IL27: variants seen among roughly 807,000 people sequenced by gnomAD.
The protein encoded by IL27 is interleukin-27 subunit alpha.
Under a neutral mutation model 27.0 loss-of-function variants are expected in IL27, and 11 were observed. The observed-to-expected ratio is 0.41, with a 90% CI of 0.26 to 0.67. The LOEUF (loss-of-function observed/expected upper bound fraction) is 0.67, where lower values mean the gene tolerates loss of function less well. IL27 is among the 30% of genes least tolerant of loss of function. The probability of loss-of-function intolerance (pLI) is 0.34; values close to 1 mark genes in which losing one functional copy is unlikely to be tolerated. For synonymous variants in IL27, 134 were observed against 140.6 expected, an observed-to-expected ratio of 0.95 and a Z score of 0.33; for missense variants, 299 against 310.4, an observed-to-expected ratio of 0.96 and a Z score of 0.28.
In IL27 at chr16:28,505,408, C is replaced by T. The variant is rs187706392; in HGVS notation, c.32-1358G>A. On this transcript the variant is annotated intron_variant, in intron 1 of 4. Coordinates refer to ENST00000356897, the MANE Select transcript of IL27 (RefSeq NM_145659.3). ...CTGCAGTGCAGTGGCGCGATCTCGA[C>T]TCACTGCAACCTTCACCTCCCAGGT... Among the ~76,000 whole-genome samples, 3 of 152,210 alleles carry T rather than the reference C, an allele frequency of 2.0e-5. No homozygotes were observed. The East Asian group carries it at 5.8e-4, about 29-fold the overall frequency.
intron 4 of IL27, among the ~76,000 whole-genome samples, chr16:28,501,654 C>T (rs902025702): frequency 4.6e-5 from 7 of 150,714 alleles, no homozygotes; most frequent in African/African-American, 1.7e-4. Context: ...CGGACCCACA[C>T]CCTCACACAC....
intron 4 of IL27, among the ~76,000 whole-genome samples, chr16:28,501,387 C>T (rs2046427948): frequency 6.6e-6 from 1 of 151,480 alleles, no homozygotes; most frequent in Admixed American, 6.6e-5. Context: ...CACTCATGGA[C>T]CTACACACAC....
At position 28,499,601 on chromosome 16, in the gene IL27, C is replaced by T. The variant is rs774798418; in HGVS notation, c.*50G>A. On this transcript the variant is annotated 3_prime_UTR_variant, in exon 5 of 5. Coordinates refer to ENST00000356897, the MANE Select transcript of IL27 (RefSeq NM_145659.3). Reference sequence around the variant, plus strand: ...GAAGGCTGCCCTGATGCCAAGACTCCAGTCCTAAAGTTCTAAAGGGTGGGG... The same window carrying T: ...GAAGGCTGCCCTGATGCCAAGACTCTAGTCCTAAAGTTCTAAAGGGTGGGG... 6.8e-7 allele frequency: 1 copy of T among 1,473,548 alleles called. No individual in the cohort carries two copies. The highest frequency in any genetic ancestry group is 1.2e-5 in the South Asian group (1 of 82,424). The allele number at this position is 1,473,548 out of a possible 1,614,324, so 91.3% of individuals were successfully genotyped here.
chr16:28,502,861 T>C (rs1485810854), intron 3 of IL27, among the ~76,000 whole-genome samples: 1 of 152,278 alleles, frequency 6.6e-6, no homozygotes, highest in South Asian at 2.1e-4. Context: ...CTCGCTCTGT[T>C]GCCCAGGCTG....
chr16:28,499,507 T>A lies in IL27; in HGVS notation c.*144A>T, dbSNP rs555225534. The A allele has an allele frequency of 4.1e-4, 251 of 608,624 alleles. No individual in the cohort carries two copies. The highest frequency in any genetic ancestry group is 2.2e-3 in the Middle Eastern group (5 of 2,270). The allele number at this position is 608,624 out of a possible 1,614,324, so 37.7% of individuals were successfully genotyped here. A position where few individuals can be genotyped will look rare whatever the true frequency, so the allele number is the denominator to read the frequency against. On this transcript the variant is annotated 3_prime_UTR_variant, in exon 5 of 5. Transcript: ENST00000356897. ...AATAGCTGGCGAGGACCAGAGGGGC[T>A]TTCAGTTACTGGGTAGAGCCTGGGG... is the stretch of plus-strand genomic sequence containing the variant.
intron 1 of IL27, 51 bp downstream of exon 1, chr16:28,506,730 C>T: frequency 6.3e-7 from 1 of 1,593,356 alleles, no homozygotes; most frequent in Non-Finnish European, 8.6e-7. Context: ...CAAGCTCGTC[C>T]ATTCTCTGCC....
At chr16:28,501,748 CTCTCACAG>C (rs1036154872) in intron 4 of IL27, among the ~76,000 whole-genome samples, 1 of 77,394 alleles carries the variant, frequency 1.3e-5, no homozygotes, top group Non-Finnish European at 3.3e-5. Flanking sequence ...CACTCACACA[CTCTCACAG>C]TCACACTGTC....
chr16:28,501,190 G>GAA (rs111502585), intron 4 of IL27, among the ~76,000 whole-genome samples: 1 of 142,784 alleles, frequency 7.0e-6, no homozygotes. Flanking sequence ...CTTAGTCTCA[G>GAA]AAAAAAAAAA....
chr16:28,499,708 G>A lies in IL27; in HGVS notation c.675C>T (p.Ser225=). The change falls in exon 5 of 5, where the codon TCC becomes TCT. Residue 225 remains serine, a synonymous_variant. Transcript: ENST00000356897. ...SRAVRELLLL[S]KAGHSVWPLG... ...AGGGCCAGACTGAGTGCCCAGCCTT[G>A]GACAGCAGCAGCAACTCCCGCACGG... 6.2e-7 allele frequency: 1 copy of A among 1,613,594 alleles called. No individual in the cohort carries two copies. Among genetic ancestry groups the A allele is most frequent in the Non-Finnish European group, 8.5e-7 (1 of 1,179,842 alleles).
chr16:28,503,967 T>G lies in IL27; in HGVS notation c.115A>C (p.Ser39Arg). The change falls in exon 2 of 5, where the codon AGC (serine) becomes CGC (arginine). Residue 39 changes from serine (S) to arginine (R), a missense_variant. Physicochemically the swap from Ser to Arg is moderately radical, Grantham distance 110 (BLOSUM62 -1). Transcript: ENST00000356897. ...AACTCCCTCCGCAGCTCCTGCAGGC[T>G]CAGCTGGGGCCTCCCTGGGGGCCTT... ...FPRPPGRPQL[S>R]LQELRREFTV... 6.2e-7 allele frequency: 1 copy of G among 1,614,088 alleles called. No individual in the cohort carries two copies. Among genetic ancestry groups the G allele is most frequent in the Non-Finnish European group, 8.5e-7 (1 of 1,179,984 alleles).
At chr16:28,500,619 C>T (rs1442946921) in intron 4 of IL27, among the ~76,000 whole-genome samples, 1 of 152,062 alleles carries the variant, frequency 6.6e-6, no homozygotes, top group Non-Finnish European at 1.5e-5. Flanking sequence ...GTGTAAAATT[C>T]TGATTTCCCT....
rs370464253 is a variant in IL27 at position 28,501,657 on chromosome 16, TCACA to T, written c.462+315_462+318del. Among the ~76,000 whole-genome samples the T allele has an allele frequency of 1.8e-3, 226 of 125,372 alleles. 2 individuals are homozygous for T. Among genetic ancestry groups the T allele is most frequent in the African/African-American group, 6.4e-3 (213 of 33,184 alleles). The allele number at this position is 125,372 out of a possible 152,430, so 82.2% of individuals were successfully genotyped here. A position where few individuals can be genotyped will look rare whatever the true frequency, so the allele number is the denominator to read the frequency against. ...CTCTCACACTCACGGACCCACACCC[TCACA>T]CACAGTCATGCTCACACTCATACAG... On this transcript the variant is annotated intron_variant, in intron 4 of 4. Transcript: ENST00000356897.
At chr16:28,500,645 G>C (rs557492133) in intron 4 of IL27, among the ~76,000 whole-genome samples, 1 of 152,292 alleles carries the variant, frequency 6.6e-6, no homozygotes, top group African/African-American at 2.4e-5. Flanking sequence ...AGGTTCTGGA[G>C]GATCTGGGTG....
rs2046419081 is a variant in IL27, at chr16:28,499,667, A to C, written c.716T>G (p.Leu239Trp). Residue 239 changes from leucine to tryptophan, a missense_variant, in exon 5 of 5, where the codon TTG (leucine) becomes TGG (tryptophan). Transcript: ENST00000356897. The stretch of plus-strand genomic sequence containing the variant: ...AGCCACCGATCAGGGCTGGGGGCTC[A>C]ATGTTGGGAACCCCAAGGGCCAGAC... ...HSVWPLGFPT[L>W]SPQP The C allele has an allele frequency of 1.2e-6, 2 of 1,612,162 alleles. No individual in the cohort carries two copies. Among genetic ancestry groups the C allele is most frequent in the Admixed American group, 3.3e-5 (2 of 59,786 alleles).
In IL27 at chr16:28,501,984, G is replaced by A. The variant is rs939263844; in HGVS notation, c.454C>T (p.Arg152Cys). The A allele has an allele frequency of 1.2e-6, 2 of 1,605,068 alleles. No individual in the cohort carries two copies. Among genetic ancestry groups the A allele is most frequent in the Non-Finnish European group, 8.5e-7 (1 of 1,177,470 alleles). Residue 152 changes from arginine (R) to cysteine (C), a missense_variant, in exon 4 of 5, where the codon CGC becomes TGC. By Grantham distance (180) the Arg-to-Cys change is radical. Coordinates refer to ENST00000356897, the MANE Select transcript of IL27 (RefSeq NM_145659.3). Reference protein sequence around the residue: ...LDLRDLQRHLRFQVLAAGFNL... With the variant: ...LDLRDLQRHLCFQVLAAGFNL... The stretch of plus-strand genomic sequence containing the variant: ...GGGTGGCCGGGCTCTACCTGGAAGC[G>A]GAGGTGCCGCTGCAGATCGCGGAGG...
chr16:28,503,833 G>A, intron 2 of IL27, 40 bp from the exon 3 acceptor site: 2 of 1,611,920 alleles, frequency 1.2e-6, no homozygotes, highest in Non-Finnish European at 1.7e-6. Flanking sequence ...AGAAGGGATT[G>A]GGGGTCTGCC....
At chr16:28,499,993 G>T in intron 4 of IL27, 73 bp from the exon 5 acceptor site, 4 of 1,459,370 alleles carry the variant, frequency 2.7e-6, no homozygotes, top group Non-Finnish European at 2.7e-6. Flanking sequence ...CCCTATTCAT[G>T]CCCAGCGGTT....
Position 28,504,017 on chromosome 16 carries a change from A to C in IL27, c.65T>G (p.Val22Gly). Reference protein sequence around the residue: ...LSLLLLPLLLVQAGVWGFPRP... With the variant: ...LSLLLLPLLLGQAGVWGFPRP... ...TGGGAATCCCCAGACACCAGCTTGA[A>C]CCAGGAGCAAGGGAAGCAGCAACAG... Residue 22 changes from valine to glycine, a missense_variant, in exon 2 of 5, where the codon GTT (valine) becomes GGT (glycine). Physicochemically the swap from Val to Gly is moderately radical, Grantham distance 109. Coordinates refer to ENST00000356897, the MANE Select transcript of IL27 (RefSeq NM_145659.3). 6.2e-7 allele frequency: 1 copy of C among 1,611,558 alleles called. No homozygotes were observed. The highest frequency in any genetic ancestry group is 8.5e-7 in the Non-Finnish European group (1 of 1,178,538).
In IL27 at chr16:28,499,521, T is replaced by G; in HGVS notation, c.*130A>C. 6.2e-6 allele frequency: 4 copies of G among 648,246 alleles called. No homozygotes were observed. Among genetic ancestry groups the G allele is most frequent in the Non-Finnish European group, 1.1e-5 (4 of 370,512 alleles). The allele number at this position is 648,246 out of a possible 1,614,324, so 40.2% of individuals were successfully genotyped here. A position where few individuals can be genotyped will look rare whatever the true frequency, so the allele number is the denominator to read the frequency against. ...ACCAGAGGGGCTTTCAGTTACTGGG[T>G]AGAGCCTGGGGCAGGGGGCTGGAAG... On this transcript the variant is annotated 3_prime_UTR_variant, in exon 5 of 5. Coordinates refer to ENST00000356897, the MANE Select transcript of IL27 (RefSeq NM_145659.3).
Sources: allele counts gnomAD v4.1 joint callset (sites outside exome capture counted in the v4.1 genomes callset), GRCh38; gene constraint gnomAD v4.1.1; transcripts MANE v1.5; gene names NCBI Gene and HGNC (gene_info 2026-07-23, HGNC 2026-07-21).